TBRG4: variants seen among roughly 807,000 people sequenced by gnomAD.
TBRG4 encodes the protein FAST kinase domain-containing protein 4.
Under a neutral mutation model 65.6 loss-of-function variants are expected in TBRG4, and 43 were observed. The observed-to-expected ratio is 0.66, with a 90% CI of 0.51 to 0.85. TBRG4 has a LOEUF of 0.85. Ranked by LOEUF, TBRG4 falls within the 40% of genes least tolerant of loss-of-function variation. The pLI, the probability that TBRG4 is intolerant of heterozygous loss-of-function variation, is 0.00. For synonymous variants in TBRG4, 366 were observed against 341.4 expected (o/e 1.07, Z -0.79); for missense variants, 709 against 787.9 (o/e 0.90, Z 1.20).
chr7:45,105,673 A>T lies in TBRG4; in HGVS notation c.503T>A (p.Val168Glu). Residue 168 changes from valine to glutamate, a missense_variant, in exon 3 of 11, where the codon GTG becomes GAG. By Grantham distance (121) the Val-to-Glu change is moderately radical. Transcript: ENST00000258770. ...CATGCGCCAGCGGACCTCCTGCTCC[A>T]CCGACTGCAGCTCCTTGGAGGCCTT... ...IPKASKELQS[V>E]EQEVRWRMRK... The T allele has an allele frequency of 6.2e-7, 1 of 1,614,046 alleles. No homozygotes were observed. The highest frequency in any genetic ancestry group is 8.5e-7 in the Non-Finnish European group (1 of 1,180,028).
Position 45,105,777 on chromosome 7 carries a change from A to T in TBRG4, c.412-13T>A, listed in dbSNP as rs202133663. The T allele has an allele frequency of 6.3e-7, 1 of 1,591,212 alleles. No individual in the cohort carries two copies. Among genetic ancestry groups the T allele is most frequent in the Non-Finnish European group, 8.6e-7 (1 of 1,166,742 alleles). ...AGACCGAGGCAATCTAGGCAGAGAAAGGACACAGGAGAAATGATGTGGCAC... is the reference window on the plus strand; with the variant it reads ...AGACCGAGGCAATCTAGGCAGAGAATGGACACAGGAGAAATGATGTGGCAC... On this transcript the variant is annotated splice_polypyrimidine_tract_variant and intron_variant, in intron 2 of 10. Transcript: ENST00000258770.
rs1255896132 is a variant in TBRG4, at chr7:45,101,209, G to T, written c.1794+49C>A. ...TCCACCTGATCCCCTCTCTAGCGTG[G>T]GTTGGGGATTCTCCCTGTGCAGTGA... On this transcript the variant is annotated intron_variant, in intron 10 of 10. Coordinates refer to ENST00000258770, the MANE Select transcript of TBRG4 (RefSeq NM_004749.4). 2.6e-6 allele frequency: 4 copies of T among 1,566,348 alleles called. No individual in the cohort carries two copies. The African/African-American group carries it at 5.4e-5, about 21-fold the overall frequency.
At chr7:45,105,059 G>A in intron 3 of TBRG4, 1 of 700,188 alleles carries the variant, frequency 1.4e-6, no homozygotes, top group Non-Finnish European at 2.7e-6. Context: ...CAGCCGATAG[G>A]GGTTAGCACA....
At position 45,111,465 on chromosome 7, in the gene TBRG4, G is replaced by C. The variant is rs1031650261; in HGVS notation, c.-51+178C>G. The C allele has an allele frequency of 4.4e-6, 3 of 682,150 alleles. No individual in the cohort carries two copies. The African/African-American group carries it at 5.6e-5, about 13-fold the overall frequency. The allele number at this position is 682,150 out of a possible 1,614,324, so 42.3% of individuals were successfully genotyped here. A position where few individuals can be genotyped will look rare whatever the true frequency, so the allele number is the denominator to read the frequency against. On this transcript the variant is annotated intron_variant, in intron 1 of 10. Coordinates refer to ENST00000258770, the MANE Select transcript of TBRG4 (RefSeq NM_004749.4). ...AGGCCTGGCCGCGCGGGCTAGAGAGGAAGCGTGCGCACTGGCAAGCCAGCA... is the reference window on the plus strand; with the variant it reads ...AGGCCTGGCCGCGCGGGCTAGAGAGCAAGCGTGCGCACTGGCAAGCCAGCA...
chr7:45,102,996 G>A (rs1784815806), intron 6 of TBRG4: 1 of 397,362 alleles, frequency 2.5e-6, no homozygotes, highest in African/African-American at 2.0e-5. Context: ...CTGTCCTAAG[G>A]TCTTCATAAA....
intron 3 of TBRG4, 81 bp downstream of exon 3, chr7:45,105,360 C>T (rs1025584859): frequency 6.8e-7 from 1 of 1,462,332 alleles, no homozygotes; most frequent in Non-Finnish European, 9.2e-7. Flanking sequence ...ACGCACCCCT[C>T]TGCAGACAAC....
intron 2 of TBRG4, chr7:45,106,695 G>C (rs973872253): frequency 2.6e-5 from 4 of 152,342 alleles, no homozygotes; most frequent in Non-Finnish European, 2.9e-5. Context: ...AAGATCACTT[G>C]AACCTGGAAG....
intron 7 of TBRG4, 24 bp downstream of exon 7, chr7:45,102,323 T>C (rs376050917): frequency 8.7e-6 from 14 of 1,613,270 alleles, no homozygotes; most frequent in Middle Eastern, 1.6e-4. Context: ...CCAGTTCCAG[T>C]AGTACTAGGG....
Position 45,106,782 on chromosome 7 carries a change from C to CA in TBRG4, c.412-1019dup, listed in dbSNP as rs1784971354. 2.0e-5 allele frequency: 3 copies of CA among 152,272 alleles called. No homozygotes were observed. The South Asian group carries it at 6.2e-4, about 32-fold the overall frequency. The allele number at this position is 152,272 out of a possible 1,614,324, so 9.4% of individuals were successfully genotyped here. A position where few individuals can be genotyped will look rare whatever the true frequency, so the allele number is the denominator to read the frequency against. Reference sequence around the variant, plus strand: ...CAGAGTGAGACTCTGTCTCAAACAACAAAACAAAACACACTGGCTTTTCTC... The same window carrying CA: ...CAGAGTGAGACTCTGTCTCAAACAACAAAAACAAAACACACTGGCTTTTCTC... On this transcript the variant is annotated intron_variant, in intron 2 of 10. Transcript: ENST00000258770.
chr7:45,102,563 C>T lies in TBRG4; in HGVS notation c.1177-72G>A, dbSNP rs1205208845. ...GCTGCAAATAGCCATGGGTGAGACA[C>T]AATCCATGATGTGGTCTTGGCCTGG... is the stretch of plus-strand genomic sequence containing the variant. On this transcript the variant is annotated intron_variant, in intron 6 of 10. Coordinates refer to ENST00000258770, the MANE Select transcript of TBRG4 (RefSeq NM_004749.4). 5 of 1,559,928 alleles carry T rather than the reference C, an allele frequency of 3.2e-6. No homozygotes were observed. In the Admixed American group the frequency reaches 8.8e-5, roughly 27 times the overall value.
At chr7:45,104,968 T>C in intron 3 of TBRG4, 3 of 758,642 alleles carry the variant, frequency 4.0e-6, no homozygotes, top group Non-Finnish European at 7.2e-6. Flanking sequence ...CCATGAGCTG[T>C]GGAGCTTGCT....
Position 45,105,496 on chromosome 7 carries a change from A to G in TBRG4, c.680T>C (p.Val227Ala), listed in dbSNP as rs768963962. The change falls in exon 3 of 11, where the codon GTC becomes GCC. Residue 227 changes from valine (V) to alanine (A), a missense_variant. Transcript: ENST00000258770. ...CGAGAGGTGTCCCACCTTCATCATG[A>G]CGGTCACTAATGTGTGGGAATCTTC... is the stretch of plus-strand genomic sequence containing the variant. ...EIEDSHTLVT[V>A]MMKVGHLSEP... 14 of 1,613,816 alleles carry G rather than the reference A, an allele frequency of 8.7e-6. No homozygotes were observed. Among genetic ancestry groups the G allele is most frequent in the Non-Finnish European group, 1.1e-5 (13 of 1,179,880 alleles).
Position 45,100,357 on chromosome 7 carries a change from G to C in TBRG4, c.1864C>G (p.Arg622Gly), listed in dbSNP as rs761711395. ...QKGAYLKDKM[R>G]KAVAEELAK ...GCCAGCTCCTCAGCCACCGCTTTGC[G>C]CATCTTGTCCTTGAGGTAGGCGCCT... The change falls in exon 11 of 11, where the codon CGC becomes GGC. Residue 622 changes from arginine to glycine, a missense_variant. Coordinates refer to ENST00000258770, the MANE Select transcript of TBRG4 (RefSeq NM_004749.4). The C allele has an allele frequency of 1.2e-6, 2 of 1,614,016 alleles. No individual in the cohort carries two copies. The highest frequency in any genetic ancestry group is 1.7e-5 in the Admixed American group (1 of 60,008).
At chr7:45,102,280 C>T in intron 7 of TBRG4, 67 bp downstream of exon 7, 2 of 1,600,886 alleles carry the variant, frequency 1.2e-6, no homozygotes, top group Non-Finnish European at 1.7e-6. Flanking sequence ...CAAATTCTCA[C>T]CTGGCACTAG....
At chr7:45,104,917 G>T in intron 3 of TBRG4, 1 of 860,642 alleles carries the variant, frequency 1.2e-6, no homozygotes, top group Non-Finnish European at 2.0e-6. Context: ...ACTGTCCACA[G>T]CCAAACTTAT....
At chr7:45,104,852 C>A in intron 3 of TBRG4, 143 bp from the exon 4 acceptor site, 1 of 1,302,496 alleles carries the variant, frequency 7.7e-7, no homozygotes, top group Non-Finnish European at 1.1e-6. Flanking sequence ...AAACACAGGA[C>A]CACTGTGCAG....
At position 45,101,918 on chromosome 7, in the gene TBRG4, G is replaced by A. The variant is rs1470854046; in HGVS notation, c.1474C>T (p.Leu492=). ...PSALDRKVTP[L]QKELQETLKG... is the part of the protein sequence containing the mutation. ...AGCGTCTCCTGCAGCTCCTTTTGCA[G>A]GGGGGTCACCTTCCTGTCAAGGGCT... The change falls in exon 8 of 11, where the codon CTG becomes TTG. Residue 492 remains leucine, a synonymous_variant. Coordinates refer to ENST00000258770, the MANE Select transcript of TBRG4 (RefSeq NM_004749.4). 1 of 1,610,330 alleles carries A rather than the reference G, an allele frequency of 6.2e-7. No individual in the cohort carries two copies. Among genetic ancestry groups the A allele is most frequent in the Non-Finnish European group, 8.5e-7 (1 of 1,178,766 alleles).
At position 45,101,369 on chromosome 7, in the gene TBRG4, T is replaced by C; in HGVS notation, c.1683A>G (p.Leu561=). The C allele has an allele frequency of 6.2e-7, 1 of 1,613,906 alleles. No individual in the cohort carries two copies. The part of the protein sequence containing the change: ...SQSPPPGSKR[L]AFLRWEFPNF... ...TGGGGAACTCCCACCGCAAGAACGC[T>C]AGCCTGGAAGGAAGAAGAGGTGGCT... Residue 561 remains leucine (L), a synonymous_variant, in exon 10 of 11, where the codon CTA becomes CTG. Coordinates refer to ENST00000258770, the MANE Select transcript of TBRG4 (RefSeq NM_004749.4).
At position 45,104,157 on chromosome 7, in the gene TBRG4, G is replaced by A. The variant is rs2128645041; in HGVS notation, c.1007C>T (p.Ala336Val). The change falls in exon 5 of 11, where the codon GCC (alanine) becomes GTC (valine). Residue 336 changes from alanine to valine, a missense_variant. By Grantham distance (64) the Ala-to-Val change is moderately conservative (BLOSUM62 0). Coordinates refer to ENST00000258770, the MANE Select transcript of TBRG4 (RefSeq NM_004749.4). Reference sequence around the variant, plus strand: ...CCACTTGAGTAAGGCGAAGGACTTGGCACAGTGGGCCACCTCACCAGAAGT... The same window carrying A: ...CCACTTGAGTAAGGCGAAGGACTTGACACAGTGGGCCACCTCACCAGAAGT... ...SLTSGEVAHC[A>V]KSFALLKWLS... 6.2e-7 allele frequency: 1 copy of A among 1,613,942 alleles called. No individual in the cohort carries two copies. The highest frequency in any genetic ancestry group is 8.5e-7 in the Non-Finnish European group (1 of 1,179,996).
Sources: gnomAD v4.1 joint callset for allele counts on GRCh38, gnomAD v4.1.1 for gene constraint, MANE v1.5 for transcripts, NCBI Gene and HGNC (gene_info 2026-07-23, HGNC 2026-07-21) for gene names.